POLR3B: variants seen among roughly 807,000 people sequenced by gnomAD.
The protein encoded by POLR3B is RNA polymerase III subunit B, also known as DNA-directed RNA polymerase III subunit RPC2.
A neutral mutation model predicts 147.4 loss-of-function variants in POLR3B; 96 were observed. The ratio of observed to expected loss-of-function variants is 0.65; its 90% CI spans 0.55 to 0.77. POLR3B has a LOEUF of 0.77. POLR3B is among the 30% of genes least tolerant of loss of function. POLR3B has a pLI of 0.00. For synonymous variants in POLR3B, 461 were observed against 485.9 expected, an observed-to-expected ratio of 0.95 and a Z score of 0.67; for missense variants, 1,036 against 1,413.5, an observed-to-expected ratio of 0.73 and a Z score of 4.28.
At chr12:106,432,786 C>T (rs1374596205) in intron 15 of POLR3B, among the ~76,000 whole-genome samples, 2 of 152,160 alleles carry the variant, frequency 1.3e-5, no homozygotes, top group African/African-American at 4.8e-5. Context: ...TCTTTAAGTA[C>T]AAGTCAAATA....
intron 23 of POLR3B, among the ~76,000 whole-genome samples, chr12:106,474,946 A>G (rs1347927890): frequency 7.4e-6 from 1 of 135,512 alleles, no homozygotes; most frequent in Non-Finnish European, 1.6e-5. Context: ...TAGTTCTTTT[A>G]ATTGTGATGT....
At position 106,429,068 on chromosome 12, in the gene POLR3B, G is replaced by A. The variant is rs182595555; in HGVS notation, c.1264-1205G>A. ...CATTTTTCTCAAGAGAACATTCCTG[G>A]CTTTTATTGGGTCCTCTGAGGAGGA... On this transcript the variant is annotated intron_variant, in intron 13 of 27. Transcript: ENST00000228347. 3.0e-3 allele frequency among the ~76,000 whole-genome samples: 454 copies of A among 152,244 alleles called. 1 individual carries two copies. Among genetic ancestry groups the A allele is most frequent in the African/African-American group, 9.4e-3 (390 of 41,532 alleles).
intron 24 of POLR3B, chr12:106,496,383 T>C: frequency 1.6e-6 from 1 of 634,078 alleles, no homozygotes; most frequent in Non-Finnish European, 2.8e-6. Flanking sequence ...GAGAGTGGAG[T>C]CTTCTGAGTG....
intron 9 of POLR3B, among the ~76,000 whole-genome samples, chr12:106,381,329 C>T (rs2036760590): frequency 6.6e-6 from 1 of 152,136 alleles, no homozygotes; most frequent in Admixed American, 6.5e-5. Context: ...AGCATTTTAC[C>T]CACAGTAGAA....
intron 9 of POLR3B, among the ~76,000 whole-genome samples, chr12:106,382,234 G>T (rs2036773191): frequency 6.6e-6 from 1 of 152,124 alleles, no homozygotes; most frequent in Non-Finnish European, 1.5e-5. Flanking sequence ...GAACACCTCT[G>T]ACATATTTTC....
chr12:106,368,438 C>T (rs1429631394), intron 4 of POLR3B, among the ~76,000 whole-genome samples: 1 of 152,080 alleles, frequency 6.6e-6, no homozygotes, highest in Non-Finnish European at 1.5e-5. Context: ...CCTCCAATTT[C>T]AGTTCGACAC....
chr12:106,393,491 TTGTGTGTGTGTGTGTGTG>T (rs71072674), intron 10 of POLR3B, among the ~76,000 whole-genome samples: 7 of 141,376 alleles, frequency 5.0e-5, no homozygotes, highest in Admixed American at 7.0e-5. Flanking sequence ...TGTACAGGTT[TTGTGTGTGTGTGTGTGTG>T]TGTGTGTGTG....
chr12:106,444,508 G>A lies in POLR3B; in HGVS notation c.2001G>A (p.Val667=), dbSNP rs777951679. ...LEIEPFTLLG[V]CAGLIPYPHH... ...TTGAACCCTTCACTCTTCTCGGCGTGTGTGCTGGACTTATCCCATACCCTC... is the reference window on the plus strand; with the variant it reads ...TTGAACCCTTCACTCTTCTCGGCGTATGTGCTGGACTTATCCCATACCCTC... The change falls in exon 19 of 28, where the codon GTG becomes GTA. Residue 667 remains valine (V), a synonymous_variant. Coordinates refer to ENST00000228347, the MANE Select transcript of POLR3B (RefSeq NM_018082.6). The A allele has an allele frequency of 2.5e-6, 4 of 1,613,760 alleles. No individual in the cohort carries two copies. The highest frequency in any genetic ancestry group is 3.4e-6 in the Non-Finnish European group (4 of 1,179,924).
chr12:106,446,417 C>T (rs371561173), intron 19 of POLR3B: 12 of 158,522 alleles, frequency 7.6e-5, no homozygotes, highest in Admixed American at 1.5e-4. Flanking sequence ...CCTCTCCCCA[C>T]AAAAAAAAAA....
Position 106,509,702 on chromosome 12 carries a change from A to G in POLR3B, c.*153A>G, listed in dbSNP as rs1383236380. The G allele has an allele frequency of 3.0e-6, 2 of 659,958 alleles. No individual in the cohort carries two copies. Among genetic ancestry groups the G allele is most frequent in the Non-Finnish European group, 5.2e-6 (2 of 384,058 alleles). The allele number at this position is 659,958 out of a possible 1,614,324, so 40.9% of individuals were successfully genotyped here. A position where few individuals can be genotyped will look rare whatever the true frequency, so the allele number is the denominator to read the frequency against. On this transcript the variant is annotated 3_prime_UTR_variant, in exon 28 of 28. Coordinates refer to ENST00000228347, the MANE Select transcript of POLR3B (RefSeq NM_018082.6). ...AAAAAAATGGAGAGGCTTTTTATATACTCTAAGACTGGCTAAACAACCTTG... is the reference window on the plus strand; with the variant it reads ...AAAAAAATGGAGAGGCTTTTTATATGCTCTAAGACTGGCTAAACAACCTTG...
Position 106,410,902 on chromosome 12 carries a change from A to G in POLR3B, c.1043A>G (p.Asp348Gly). The part of the protein sequence containing the change: ...MVRRVILAQG[D>G]NKVDDRDYYG... ...CGAAGAGTTATTCTGGCCCAAGGAG[A>G]TAATAAAGTTGACGACAGAGATTAT... Residue 348 changes from aspartate to glycine, a missense_variant, in exon 12 of 28, where the codon GAT becomes GGT. Coordinates refer to ENST00000228347, the MANE Select transcript of POLR3B (RefSeq NM_018082.6). The G allele has an allele frequency of 6.2e-7, 1 of 1,613,748 alleles. No individual in the cohort carries two copies. The highest frequency in any genetic ancestry group is 8.5e-7 in the Non-Finnish European group (1 of 1,179,690).
rs538765434 is a variant in POLR3B, at chr12:106,368,782, A to G, written c.228-493A>G. Among the ~76,000 whole-genome samples the G allele has an allele frequency of 5.3e-5, 8 of 152,306 alleles. No individual in the cohort carries two copies. In the South Asian group the frequency reaches 1.7e-3, roughly 32 times the overall value. On this transcript the variant is annotated intron_variant, in intron 4 of 27. Transcript: ENST00000228347. ...TTGCACAAAAAAGTATATTCAGAAAATAGTTGTTCCACTTCCAGTTCTTTC... is the reference window on the plus strand; with the variant it reads ...TTGCACAAAAAAGTATATTCAGAAAGTAGTTGTTCCACTTCCAGTTCTTTC...
In POLR3B at chr12:106,393,042, T is replaced by C; in HGVS notation, c.735T>C (p.Val245=). Residue 245 remains valine (V), a synonymous_variant, in exon 10 of 28, where the codon GTT becomes GTC. Transcript: ENST00000228347. ...TCTTTCCTTCCTAGGCCATGGGTGT[T>C]GAGAGTGACCAGGAAATTGTGCAGA... ...PIVIIFKAMG[V]ESDQEIVQMI... The C allele has an allele frequency of 6.2e-7, 1 of 1,614,082 alleles. No individual in the cohort carries two copies. The highest frequency in any genetic ancestry group is 1.7e-5 in the Admixed American group (1 of 60,016).
chr12:106,358,727 A>G (rs78504364), intron 1 of POLR3B, among the ~76,000 whole-genome samples: 1 of 152,220 alleles, frequency 6.6e-6, no homozygotes, highest in African/African-American at 2.4e-5. Context: ...AGACCATTGG[A>G]TGTTTTTGAG....
rs766385955 is a variant in POLR3B at position 106,393,149 on chromosome 12, T to C, written c.842T>C (p.Met281Thr). The C allele has an allele frequency of 1.2e-5, 20 of 1,614,090 alleles. 1 individual carries two copies. In the South Asian group the frequency reaches 2.2e-4, roughly 18 times the overall value. The change falls in exon 10 of 28, where the codon ATG becomes ACG. Residue 281 changes from methionine (M) to threonine (T), a missense_variant. Around this residue, in one of 12 missense-constraint regions of POLR3B, gnomAD observed 217 missense variants for 288.7 expected, o/e 0.75. Coordinates refer to ENST00000228347, the MANE Select transcript of POLR3B (RefSeq NM_018082.6). ...CAGAAAGCTCAGATTTTCACACAGA[T>C]GCAGGTGTGTCTTTTCATGTTGTCC... ...ECQKAQIFTQ[M>T]QALKYIGNKV...
chr12:106,365,852 C>G (rs1227399905), intron 2 of POLR3B, among the ~76,000 whole-genome samples: 2 of 139,608 alleles, frequency 1.4e-5, no homozygotes, highest in Non-Finnish European at 3.0e-5. Context: ...GAGCGAGACT[C>G]TGTCTCAAAA....
chr12:106,470,872 G>A (rs980083828), intron 23 of POLR3B, among the ~76,000 whole-genome samples: 6 of 152,124 alleles, frequency 3.9e-5, no homozygotes, highest in South Asian at 2.1e-4. Flanking sequence ...GGTGTTTGTC[G>A]GCCACTACTG....
chr12:106,405,310 T>A (rs1403028337), intron 10 of POLR3B, among the ~76,000 whole-genome samples: 1 of 152,132 alleles, frequency 6.6e-6, no homozygotes, highest in Non-Finnish European at 1.5e-5. Context: ...TATTGGTCAG[T>A]TTGGAGAGAA....
chr12:106,504,675 T>C lies in POLR3B; in HGVS notation c.3272+421T>C, dbSNP rs1011029241. ...GCCAGGGATGCTGCCCCAGGTCTTA[T>C]AGCAAATTGGTGACAGAGCCAAGAG... On this transcript the variant is annotated intron_variant, in intron 27 of 27. Transcript: ENST00000228347. This position sits in a 1 kb window ranked among gnomAD's most constrained non-coding sequence, Gnocchi z 4.6. Among the ~76,000 whole-genome samples the C allele has an allele frequency of 5.9e-5, 9 of 152,192 alleles. No individual in the cohort carries two copies. The highest frequency in any genetic ancestry group is 1.0e-4 in the Non-Finnish European group (7 of 68,032).
Sources: gnomAD v4.1 joint callset for allele counts (sites outside exome capture counted in the v4.1 genomes callset) on GRCh38, gnomAD v4.1.1 for gene constraint, gnomAD v4.1.1 regional missense constraint, Gnocchi (gnomAD v3.1) non-coding constraint, MANE v1.5 for transcripts, NCBI Gene and HGNC (gene_info 2026-07-23, HGNC 2026-07-21) for gene names.